CDH17: variants seen among roughly 807,000 people sequenced by gnomAD.
CDH17 encodes the protein cadherin 17.
Under a neutral mutation model 86.3 loss-of-function variants are expected in CDH17, and 67 were observed. The observed-to-expected ratio is 0.78, with a 90% CI of 0.64 to 0.95. The LOEUF (loss-of-function observed/expected upper bound fraction) is 0.95. Among genes scored for constraint, CDH17 ranks in the 40% least tolerant of loss-of-function variants. The probability of loss-of-function intolerance (pLI) is 0.00; values close to 1 mark genes in which losing one functional copy is unlikely to be tolerated. For missense variants in CDH17, 993 were observed against 1,017.6 expected, an observed-to-expected ratio of 0.98 and a Z score of 0.33; for synonymous variants, 367 against 366.4, an observed-to-expected ratio of 1.00 and a Z score of -0.02.
intron 2 of CDH17, 118 bp downstream of exon 2, chr8:94,194,517 A>C: frequency 1.4e-6 from 1 of 727,038 alleles, no homozygotes. Context: ...ACAACAACTT[A>C]ATTTTGATAG....
At chr8:94,145,436 G>T (rs1018730069) in intron 15 of CDH17, among the ~76,000 whole-genome samples, 2 of 152,106 alleles carry the variant, frequency 1.3e-5, no homozygotes, top group African/African-American at 4.8e-5. Flanking sequence ...TATAGTAATG[G>T]AAAGCACTTC....
At chr8:94,157,643 A>C (rs1225940223) in intron 12 of CDH17, among the ~76,000 whole-genome samples, 1 of 152,242 alleles carries the variant, frequency 6.6e-6, no homozygotes, top group Non-Finnish European at 1.5e-5. Context: ...GGCCATGCAC[A>C]GTGGCTCAAA....
At position 94,191,273 on chromosome 8, in the gene CDH17, C is replaced by CA. The variant is rs537241383; in HGVS notation, c.52-1989dup. ...TGAACCCTGAGAGGACAAACCAGCTCAAAAAATGGTGTAGCAAAGAAAAGT... is the reference window on the plus strand; with the variant it reads ...TGAACCCTGAGAGGACAAACCAGCTCAAAAAAATGGTGTAGCAAAGAAAAGT... On this transcript the variant is annotated intron_variant, in intron 2 of 17. Coordinates refer to ENST00000027335, the MANE Select transcript of CDH17 (RefSeq NM_004063.4). Among the ~76,000 whole-genome samples the CA allele has an allele frequency of 8.5e-5, 13 of 152,164 alleles. No individual in the cohort carries two copies. The East Asian group carries it at 1.5e-3, about 18-fold the overall frequency.
intron 15 of CDH17, among the ~76,000 whole-genome samples, chr8:94,143,931 C>T (rs994930082): frequency 6.6e-6 from 1 of 152,208 alleles, no homozygotes; most frequent in African/African-American, 2.4e-5. Context: ...TTTGTGTTCA[C>T]TGTAGGTTCA....
chr8:94,161,722 G>T (rs1813056108), intron 11 of CDH17, among the ~76,000 whole-genome samples: 1 of 152,110 alleles, frequency 6.6e-6, no homozygotes, highest in Non-Finnish European at 1.5e-5. Flanking sequence ...AAAAATGCTT[G>T]AGACCTAGCA....
chr8:94,209,159 C>T (rs916813205), upstream of CDH17, among the ~76,000 whole-genome samples: 1 of 152,108 alleles, frequency 6.6e-6, no homozygotes, highest in Non-Finnish European at 1.5e-5. Flanking sequence ...TTTTTTCCCC[C>T]CCACAATTCA....
chr8:94,131,639 A>AT (rs34140725), intron 15 of CDH17, among the ~76,000 whole-genome samples: 156 of 148,500 alleles, frequency 1.1e-3, no homozygotes, highest in East Asian at 2.8e-3. Flanking sequence ...GTTCAAAGCC[A>AT]TTTTTTTTTT....
At chr8:94,149,666 T>C (rs1232829780) in intron 13 of CDH17, among the ~76,000 whole-genome samples, 2 of 152,114 alleles carry the variant, frequency 1.3e-5, no homozygotes, top group East Asian at 1.9e-4. Flanking sequence ...TGCTGGGGTA[T>C]ACTTGGGAAG....
At chr8:94,208,882 T>C (rs1440646575), upstream of CDH17, among the ~76,000 whole-genome samples, 4 of 152,180 alleles carry the variant, frequency 2.6e-5, no homozygotes, top group Non-Finnish European at 5.9e-5. Flanking sequence ...ACTTTCCATA[T>C]TTTGTACCCC....
intron 13 of CDH17, among the ~76,000 whole-genome samples, chr8:94,150,073 G>C (rs1812829026): frequency 6.6e-6 from 1 of 152,146 alleles, no homozygotes; most frequent in South Asian, 2.1e-4. Context: ...CATTAAAAAA[G>C]TATGATGTGT....
In CDH17 at chr8:94,170,468, T is replaced by C. The variant is rs749734979; in HGVS notation, c.995A>G (p.Asp332Gly). ...YPLEIHVKVK[D>G]INDNPPTCPS... ...ACATGTAGGTGGATTATCATTAATA[T>C]CTTTAACTTTTACATGAATTTCCAG... Residue 332 changes from aspartate (D) to glycine (G), a missense_variant, in exon 9 of 18, where the codon GAT (aspartate) becomes GGT (glycine). Coordinates refer to ENST00000027335, the MANE Select transcript of CDH17 (RefSeq NM_004063.4). 27 of 1,613,724 alleles carry C rather than the reference T, an allele frequency of 1.7e-5. No homozygotes were observed. Among genetic ancestry groups the C allele is most frequent in the Middle Eastern group, 1.6e-4 (1 of 6,082 alleles).
In CDH17 at chr8:94,180,816, A is replaced by G. The variant is rs1410104095; in HGVS notation, c.151-3095T>C. On this transcript the variant is annotated intron_variant, in intron 3 of 17. Transcript: ENST00000027335. Reference sequence around the variant, plus strand: ...AGGCTGAGGCAGGAGAATAGCGTGAACCCAGAAGGCGGAGCTTGCAGTGAG... The same window carrying G: ...AGGCTGAGGCAGGAGAATAGCGTGAGCCCAGAAGGCGGAGCTTGCAGTGAG... Among the ~76,000 whole-genome samples, 3 of 152,026 alleles carry G rather than the reference A, an allele frequency of 2.0e-5. No homozygotes were observed. In the East Asian group the frequency reaches 5.8e-4, roughly 29 times the overall value.
At position 94,165,743 on chromosome 8, in the gene CDH17, G is replaced by A. The variant is rs770625282; in HGVS notation, c.1282+18C>T. 5.3e-6 allele frequency: 8 copies of A among 1,510,314 alleles called. No individual in the cohort carries two copies. Among genetic ancestry groups the A allele is most frequent in the Middle Eastern group, 1.7e-4 (1 of 5,850 alleles). The allele number at this position is 1,510,314 out of a possible 1,614,324, so 93.6% of individuals were successfully genotyped here. On this transcript the variant is annotated intron_variant, in intron 10 of 17. Coordinates refer to ENST00000027335, the MANE Select transcript of CDH17 (RefSeq NM_004063.4). ...GAAAACAATGATTTGCACTCAAGAC[G>A]GTGGATATGATACTAACCTTTGTCA...
intron 3 of CDH17, among the ~76,000 whole-genome samples, chr8:94,187,331 T>TGC (rs1376960728): frequency 6.6e-6 from 1 of 152,242 alleles, no homozygotes; most frequent in Non-Finnish European, 1.5e-5. Flanking sequence ...GAAGCTTCAG[T>TGC]GCATGTGTCT....
chr8:94,139,715 C>T (rs555138707), intron 15 of CDH17, among the ~76,000 whole-genome samples: 1 of 152,064 alleles, frequency 6.6e-6, no homozygotes, highest in South Asian at 2.1e-4. Flanking sequence ...CCAGTCTGGC[C>T]AACATGGAAA....
chr8:94,176,802 A>C (rs377656912), intron 4 of CDH17, 123 bp from the exon 5 acceptor site: 2 of 1,022,194 alleles, frequency 2.0e-6, no homozygotes, highest in Admixed American at 5.7e-5. Flanking sequence ...GAGAGAAAGA[A>C]CTCACAAAAG....
At chr8:94,176,177 T>G (rs1310304383) in intron 5 of CDH17, among the ~76,000 whole-genome samples, 1 of 152,136 alleles carries the variant, frequency 6.6e-6, no homozygotes, top group Non-Finnish European at 1.5e-5. Flanking sequence ...AGTACTGGGA[T>G]TTTGTGCCCT....
chr8:94,156,515 C>A (rs915261870), intron 12 of CDH17, among the ~76,000 whole-genome samples: 1 of 152,152 alleles, frequency 6.6e-6, no homozygotes, highest in Non-Finnish European at 1.5e-5. Context: ...GCATGATAAC[C>A]AAGCACACGA....
At chr8:94,154,194 G>A (rs780391874) in intron 12 of CDH17, among the ~76,000 whole-genome samples, 5 of 152,144 alleles carry the variant, frequency 3.3e-5, no homozygotes, top group Non-Finnish European at 7.4e-5. Flanking sequence ...TCTCAATCGA[G>A]TGTCAGCAAA....
Sources: allele counts gnomAD v4.1 joint callset (sites outside exome capture counted in the v4.1 genomes callset), GRCh38; gene constraint gnomAD v4.1.1; transcripts MANE v1.5; gene names NCBI Gene and HGNC (gene_info 2026-07-23, HGNC 2026-07-21).